ACSF2: variants seen among roughly 807,000 people sequenced by gnomAD.
ACSF2 encodes acyl-CoA synthetase family member 2.
In ACSF2, 52 loss-of-function variants were observed where a neutral mutation model predicts 79.3. The ratio of observed to expected loss-of-function variants is 0.66; its 90% CI spans 0.53 to 0.83. The LOEUF is 0.83. Ranked by LOEUF, ACSF2 falls within the 40% of genes least tolerant of loss-of-function variation. The probability of loss-of-function intolerance (pLI) is 0.00; values close to 1 mark genes in which losing one functional copy is unlikely to be tolerated. For missense variants in ACSF2, 661 were observed against 803.3 expected (o/e 0.82, Z 2.14); for synonymous variants, 283 against 312.6 (o/e 0.91, Z 1.00).
intron 1 of ACSF2, among the ~76,000 whole-genome samples, chr17:50,448,859 G>A (rs752270081): frequency 1.2e-4 from 18 of 151,998 alleles, no homozygotes; most frequent in Non-Finnish European, 1.9e-4. Context: ...TCAGGCAGTC[G>A]TGCACCAGAA....
In ACSF2 at chr17:50,471,203, C is replaced by T. The variant is rs2143802692; in HGVS notation, c.1323+68C>T. On this transcript the variant is annotated intron_variant, in intron 11 of 15. Transcript: ENST00000300441. This position sits in a 1 kb window ranked among gnomAD's most constrained non-coding sequence, Gnocchi z 4.1. ...CCAGCTGGGGTGCACCCAGCTGGGACATCGGTTGCTTTCAGTGAGAGAGTC... is the reference window on the plus strand; with the variant it reads ...CCAGCTGGGGTGCACCCAGCTGGGATATCGGTTGCTTTCAGTGAGAGAGTC... The T allele has an allele frequency of 1.5e-6, 2 of 1,358,196 alleles. No homozygotes were observed. The highest frequency in any genetic ancestry group is 2.1e-6 in the Non-Finnish European group (2 of 951,562). 84.1% of individuals were successfully genotyped at this position (1,358,196 alleles called of 1,614,324 possible).
Position 50,463,272 on chromosome 17 carries a change from G to A in ACSF2, c.888+21G>A, listed in dbSNP as rs2143720227. 6.2e-7 allele frequency: 1 copy of A among 1,613,816 alleles called. No individual in the cohort carries two copies. The highest frequency in any genetic ancestry group is 8.5e-7 in the Non-Finnish European group (1 of 1,179,874). ...AGAAGGTGAGGCGGCACTAGGCCCA[G>A]GGCAAGGCTGCAGGAGGGGTGGCTC... On this transcript the variant is annotated intron_variant, in intron 7 of 15. Coordinates refer to ENST00000300441, the MANE Select transcript of ACSF2 (RefSeq NM_025149.6). This position sits in a 1 kb window ranked among gnomAD's most constrained non-coding sequence, Gnocchi z 4.6.
At chr17:50,465,571 G>T in intron 10 of ACSF2, 2 of 1,463,396 alleles carry the variant, frequency 1.4e-6, no homozygotes, top group Non-Finnish European at 1.9e-6. Context: ...TTACAAATGG[G>T]GAAACTGAGG....
chr17:50,449,328 C>A (rs527749208), intron 1 of ACSF2, among the ~76,000 whole-genome samples: 1 of 144,366 alleles, frequency 6.9e-6, no homozygotes, highest in African/African-American at 2.6e-5. Flanking sequence ...AATATATAGT[C>A]TTTTGTTACT....
intron 1 of ACSF2, among the ~76,000 whole-genome samples, chr17:50,439,180 C>G (rs1696208434): frequency 6.6e-6 from 1 of 150,710 alleles, no homozygotes; most frequent in African/African-American, 2.4e-5. Context: ...AAGTGATCCT[C>G]CCAGTTCAAC....
At chr17:50,440,577 A>G (rs1370433180) in intron 1 of ACSF2, among the ~76,000 whole-genome samples, 4 of 152,316 alleles carry the variant, frequency 2.6e-5, no homozygotes, top group South Asian at 4.1e-4. Flanking sequence ...TGGTCTCTAC[A>G]TGACCATGTC....
chr17:50,450,075 T>A (rs2031571207), intron 1 of ACSF2: 2 of 152,088 alleles, frequency 1.3e-5, no homozygotes, highest in Admixed American at 1.3e-4. Context: ...TACGATTGAG[T>A]TTATCCTAAA....
chr17:50,429,353 A>T (rs897084199), intron 1 of ACSF2, among the ~76,000 whole-genome samples: 1 of 152,062 alleles, frequency 6.6e-6, no homozygotes, highest in Admixed American at 6.5e-5. Flanking sequence ...GACTGATTTG[A>T]AAGTAGGAGA....
chr17:50,432,042 G>T (rs1308171456), intron 1 of ACSF2, among the ~76,000 whole-genome samples: 1 of 152,040 alleles, frequency 6.6e-6, no homozygotes, highest in African/African-American at 2.4e-5. Flanking sequence ...TGGGACTACA[G>T]GCCTGCGTCA....
chr17:50,458,366 C>T (rs1223617285), intron 1 of ACSF2, among the ~76,000 whole-genome samples: 4 of 152,202 alleles, frequency 2.6e-5, no homozygotes, highest in African/African-American at 9.6e-5. Context: ...ACAGCACTCC[C>T]TTTCATTTTC....
Position 50,471,254 on chromosome 17 carries a change from G to GC in ACSF2, c.1323+125dup. On this transcript the variant is annotated intron_variant, in intron 11 of 15. Coordinates refer to ENST00000300441, the MANE Select transcript of ACSF2 (RefSeq NM_025149.6). The surrounding 1 kb of genome is among the most constrained non-coding windows in gnomAD (Gnocchi z 4.1). ...AAATGGCTCACTCAGGATGCCTAGA[G>GC]CCCCCCAGCAGCAGGGGTGTGCTAG... 1.5e-5 allele frequency: 12 copies of GC among 785,656 alleles called. No individual in the cohort carries two copies. In the South Asian group the frequency reaches 1.7e-4, roughly 11 times the overall value. 48.7% of individuals were successfully genotyped at this position (785,656 alleles called of 1,614,324 possible). A position where few individuals can be genotyped will look rare whatever the true frequency, so the allele number is the denominator to read the frequency against.
chr17:50,467,114 G>A (rs1250559399), intron 10 of ACSF2, among the ~76,000 whole-genome samples: 1 of 152,218 alleles, frequency 6.6e-6, no homozygotes. Flanking sequence ...CCTGTACCAG[G>A]GTGATTTTTC....
intron 1 of ACSF2, among the ~76,000 whole-genome samples, chr17:50,449,365 A>G (rs1303927738): frequency 6.7e-6 from 1 of 148,986 alleles, no homozygotes; most frequent in South Asian, 2.1e-4. Context: ...AAATGTTTTC[A>G]AGGTTCCACC....
At chr17:50,450,032 G>T (rs1177069357) in intron 1 of ACSF2, 1 of 152,120 alleles carries the variant, frequency 6.6e-6, no homozygotes, top group African/African-American at 2.4e-5. Flanking sequence ...TCTAAGTGGA[G>T]GCCTTTTCTA....
intron 2 of ACSF2, 84 bp downstream of exon 2, chr17:50,460,956 C>T (rs2032294537): frequency 1.4e-6 from 2 of 1,456,594 alleles, no homozygotes; most frequent in African/African-American, 2.8e-5. Flanking sequence ...AGCGTGGGCA[C>T]CTGGCTATGG....
rs777898840 is a variant in ACSF2 at position 50,460,760 on chromosome 17, G to T, written c.212G>T (p.Ser71Ile). Residue 71 changes from serine to isoleucine, a missense_variant, in exon 2 of 16, where the codon AGC becomes ATC. Physicochemically the swap from Ser to Ile is moderately radical, Grantham distance 142 (BLOSUM62 -2). Coordinates refer to ENST00000300441, the MANE Select transcript of ACSF2 (RefSeq NM_025149.6). ...GGGTGCACCAAAAAGCATCTTAACA[G>T]CAAGACTGTGGGCCAGTGCCTGGAG... is the stretch of plus-strand genomic sequence containing the variant. ...VQGCTKKHLN[S>I]KTVGQCLETT... 3 of 1,613,272 alleles carry T rather than the reference G, an allele frequency of 1.9e-6. No homozygotes were observed. The highest frequency in any genetic ancestry group is 2.5e-6 in the Non-Finnish European group (3 of 1,179,710).
rs2143745429 is a variant in ACSF2, at chr17:50,465,555, T to G, written c.1215+1261T>G. 2.7e-6 allele frequency: 4 copies of G among 1,480,440 alleles called. 1 individual carries two copies. In the Middle Eastern group the frequency reaches 7.3e-4, roughly 271 times the overall value. The allele number at this position is 1,480,440 out of a possible 1,614,324, so 91.7% of individuals were successfully genotyped here. A position where few individuals can be genotyped will look rare whatever the true frequency, so the allele number is the denominator to read the frequency against. On this transcript the variant is annotated intron_variant, in intron 10 of 15. Transcript: ENST00000300441. ...CACAGGATAGTCTGAAGCTGTCATC[T>G]TCATTTTACAAATGGGGAAACTGAG...
intron 10 of ACSF2, chr17:50,468,940 C>T (rs1223559816): frequency 2.8e-5 from 39 of 1,406,782 alleles, no homozygotes; most frequent in Non-Finnish European, 3.5e-5. Flanking sequence ...GGCAGCCGAG[C>T]CAGCTCCTAC....
Position 50,474,204 on chromosome 17 carries a change from T to C in ACSF2, c.1734T>C (p.Ser578=). ...EIKAFCKGKI[S]HFKIPKYIVF... is the part of the protein sequence containing the mutation. The stretch of plus-strand genomic sequence containing the variant: ...TCCCTCCCTCTGGTCTGCAGATCTC[T>C]CACTTCAAGATTCCGAAGTACATCG... Residue 578 remains serine, a synonymous_variant, in exon 15 of 16, where the codon TCT becomes TCC. Transcript: ENST00000300441. The surrounding 1 kb of genome is among the most constrained non-coding windows in gnomAD (Gnocchi z 4.2). The C allele has an allele frequency of 6.2e-7, 1 of 1,614,174 alleles. No homozygotes were observed. Among genetic ancestry groups the C allele is most frequent in the Non-Finnish European group, 8.5e-7 (1 of 1,180,024 alleles).
Sources: gnomAD v4.1 joint callset for allele counts (sites outside exome capture counted in the v4.1 genomes callset) on GRCh38, gnomAD v4.1.1 for gene constraint, Gnocchi (gnomAD v3.1) non-coding constraint, MANE v1.5 for transcripts, NCBI Gene and HGNC (gene_info 2026-07-23, HGNC 2026-07-21) for gene names.